The following UBL3 variants were observed in gnomAD, a reference collection of about 807,000 sequenced individuals.
The protein encoded by UBL3 is ubiquitin like 3.
UBL3 carries 6 observed loss-of-function variants against 18.4 expected under a neutral mutation model. That is an observed-to-expected ratio of 0.33 (90% CI 0.18 to 0.64). The LOEUF (loss-of-function observed/expected upper bound fraction) is 0.64. Ranked by LOEUF, UBL3 falls within the 30% of genes least tolerant of loss-of-function variation. The probability of loss-of-function intolerance (pLI) is 0.76; values close to 1 mark genes in which losing one functional copy is unlikely to be tolerated. For synonymous variants in UBL3, 49 were observed against 46.6 expected, an observed-to-expected ratio of 1.05 and a Z score of -0.21; for missense variants, 109 against 142.9, an observed-to-expected ratio of 0.76 and a Z score of 1.21.
At chr13:29,768,435 G>C (rs1389963688) in intron 3 of UBL3, among the ~76,000 whole-genome samples, 1 of 151,926 alleles carries the variant, frequency 6.6e-6, no homozygotes, top group Non-Finnish European at 1.5e-5. Flanking sequence ...TTAGCTTCTA[G>C]AACTGTTTCT....
intron 1 of UBL3, among the ~76,000 whole-genome samples, chr13:29,798,540 C>G (rs1386590773): frequency 6.6e-6 from 1 of 152,158 alleles, no homozygotes. Context: ...TACTAACAGT[C>G]CTTATTCTAA....
At chr13:29,781,587 G>A (rs1260707354) in intron 1 of UBL3, among the ~76,000 whole-genome samples, 1 of 151,940 alleles carries the variant, frequency 6.6e-6, no homozygotes, top group Non-Finnish European at 1.5e-5. Context: ...GCTCTGGTGG[G>A]GGAACGCTGA....
At chr13:29,819,197 G>A (rs1338906166) in intron 1 of UBL3, among the ~76,000 whole-genome samples, 2 of 152,148 alleles carry the variant, frequency 1.3e-5, no homozygotes, top group East Asian at 1.9e-4. Flanking sequence ...TTTCATGAAA[G>A]TTAAAATAAA....
At chr13:29,770,426 T>A (rs1481041879) in intron 3 of UBL3, among the ~76,000 whole-genome samples, 3 of 152,072 alleles carry the variant, frequency 2.0e-5, no homozygotes, top group African/African-American at 7.2e-5. Flanking sequence ...AAAACAGATT[T>A]CAAAAAAATA....
At chr13:29,799,115 G>A (rs1026278341) in intron 1 of UBL3, among the ~76,000 whole-genome samples, 2 of 152,136 alleles carry the variant, frequency 1.3e-5, no homozygotes, top group African/African-American at 4.8e-5. Flanking sequence ...TTTGGGTAGT[G>A]GGGGGAGCTG....
At chr13:29,824,535 C>T (rs761107426) in intron 1 of UBL3, among the ~76,000 whole-genome samples, 51 of 152,280 alleles carry the variant, frequency 3.3e-4, no homozygotes, top group Admixed American at 6.5e-4. Context: ...TCATATCCTT[C>T]GCCCACTTGT....
intron 1 of UBL3, among the ~76,000 whole-genome samples, chr13:29,816,754 C>CAAAAAAAAA (rs57272367): frequency 4.7e-5 from 2 of 42,618 alleles, no homozygotes; most frequent in Non-Finnish European, 1.1e-4. Context: ...GACCCTGTCT[C>CAAAAAAAAA]AAAAAAAAAA....
At chr13:29,828,722 G>A (rs1021410372) in intron 1 of UBL3, among the ~76,000 whole-genome samples, 4 of 152,232 alleles carry the variant, frequency 2.6e-5, no homozygotes, top group Non-Finnish European at 4.4e-5. Flanking sequence ...CTGGCGAGGA[G>A]CTGCATTGTT....
chr13:29,807,645 T>C (rs536066528), intron 1 of UBL3, among the ~76,000 whole-genome samples: 8 of 152,312 alleles, frequency 5.3e-5, no homozygotes, highest in Admixed American at 2.0e-4. Context: ...ACTGTAAGTA[T>C]AGTATCTAGT....
intron 1 of UBL3, among the ~76,000 whole-genome samples, chr13:29,823,331 G>A (rs902303647): frequency 9.9e-5 from 15 of 152,084 alleles, no homozygotes; most frequent in Admixed American, 3.3e-4. Flanking sequence ...TAGAAGAGAC[G>A]GGTTTCTCCA....
At chr13:29,840,612 A>G (rs1205284092) in intron 1 of UBL3, among the ~76,000 whole-genome samples, 3 of 152,194 alleles carry the variant, frequency 2.0e-5, no homozygotes, top group African/African-American at 7.2e-5. Flanking sequence ...ATGTAAAATT[A>G]AAAGCTAGGT....
chr13:29,792,552 T>A (rs529725882), intron 1 of UBL3, among the ~76,000 whole-genome samples: 2 of 152,358 alleles, frequency 1.3e-5, no homozygotes, highest in Non-Finnish European at 1.5e-5. Context: ...ACACTGCCTC[T>A]GCTTTGCAGT....
chr13:29,846,050 T>C (rs919472275), intron 1 of UBL3, among the ~76,000 whole-genome samples: 2 of 152,140 alleles, frequency 1.3e-5, no homozygotes, highest in African/African-American at 4.8e-5. Context: ...TAGGCCTTAT[T>C]ACTAACACAG....
intron 1 of UBL3, chr13:29,777,541 TC>T (rs1877033114): frequency 3.9e-6 from 2 of 518,030 alleles, no homozygotes; most frequent in East Asian, 4.7e-5. Context: ...ATTTAATCAC[TC>T]CAACAATGTT....
intron 1 of UBL3, among the ~76,000 whole-genome samples, chr13:29,829,635 C>T (rs1270282402): frequency 6.6e-6 from 1 of 152,186 alleles, no homozygotes; most frequent in Non-Finnish European, 1.5e-5. Flanking sequence ...CCTTGCACTT[C>T]CCGGGTGAGG....
rs549183127 is a variant in UBL3, at chr13:29,843,206, C to G, written c.27+6306G>C. On this transcript the variant is annotated intron_variant, in intron 1 of 4. Transcript: ENST00000380680. ...AATATAAAATACTTGAGGCACATAC[C>G]TATAGTATATGTGTTTTCATTTATA... is the stretch of plus-strand genomic sequence containing the variant. Among the ~76,000 whole-genome samples, 3 of 152,102 alleles carry G rather than the reference C, an allele frequency of 2.0e-5. No individual in the cohort carries two copies. The East Asian group carries it at 5.8e-4, about 29-fold the overall frequency.
intron 1 of UBL3, among the ~76,000 whole-genome samples, chr13:29,830,918 G>C (rs1878754501): frequency 6.6e-6 from 1 of 152,152 alleles, no homozygotes; most frequent in East Asian, 1.9e-4. Context: ...GACCCATATA[G>C]CTTTCACCAA....
chr13:29,785,211 T>C (rs145185092), intron 1 of UBL3, among the ~76,000 whole-genome samples: 2 of 152,288 alleles, frequency 1.3e-5, no homozygotes, highest in Admixed American at 6.5e-5. Flanking sequence ...TGGCCTATCA[T>C]TATCAATTTC....
chr13:29,788,081 A>G (rs1017165785), intron 1 of UBL3, among the ~76,000 whole-genome samples: 1 of 152,212 alleles, frequency 6.6e-6, no homozygotes, highest in Non-Finnish European at 1.5e-5. Context: ...TCTTTTGAAT[A>G]GTTCTAGCGC....
Sources: allele counts gnomAD v4.1 joint callset (sites outside exome capture counted in the v4.1 genomes callset), GRCh38; gene constraint gnomAD v4.1.1; transcripts MANE v1.5; gene names NCBI Gene and HGNC (gene_info 2026-07-23, HGNC 2026-07-21).